NELL2: variants seen among roughly 807,000 people sequenced by gnomAD.
The protein encoded by NELL2 is neural EGFL like 2, also known as protein kinase C-binding protein NELL2.
NELL2 carries 41 observed loss-of-function variants against 109.6 expected under a neutral mutation model. That is an observed-to-expected ratio of 0.37 (90% CI 0.29 to 0.49). The LOEUF is 0.49. NELL2 is among the 20% of genes least tolerant of loss of function. NELL2 has a pLI of 0.98. For missense variants in NELL2, 900 were observed against 1,008.3 expected (o/e 0.89, Z 1.45); for synonymous variants, 355 against 344.7 (o/e 1.03, Z -0.33).
At position 44,623,090 on chromosome 12, in the gene NELL2, G is replaced by A. The variant is rs11182576; in HGVS notation, c.1445-12120C>T. On this transcript the variant is annotated intron_variant, in intron 13 of 19. Coordinates refer to ENST00000429094, the MANE Select transcript of NELL2 (RefSeq NM_001145108.2). ...GTGTGTTTATTGATGTTATAAATACGTGTTAAGGTCTCCTGTGCTTAAATT... is the reference window on the plus strand; with the variant it reads ...GTGTGTTTATTGATGTTATAAATACATGTTAAGGTCTCCTGTGCTTAAATT... 2.1e-3 allele frequency among the ~76,000 whole-genome samples: 314 copies of A among 152,106 alleles called. 4 individuals carry two copies. The East Asian group carries it at 0.026, about 13-fold the overall frequency.
At chr12:44,708,884 T>C (rs1201384277) in intron 11 of NELL2, among the ~76,000 whole-genome samples, 3 of 152,208 alleles carry the variant, frequency 2.0e-5, no homozygotes, top group Non-Finnish European at 4.4e-5. Context: ...TTAAGTATGC[T>C]ATGTAAACAC....
intron 15 of NELL2, among the ~76,000 whole-genome samples, chr12:44,604,045 C>A (rs6582508): frequency 5.3e-5 from 8 of 151,766 alleles, no homozygotes; most frequent in Non-Finnish European, 1.2e-4. Context: ...TTTAACTTTG[C>A]AGAGAAAAAC....
chr12:44,875,485 C>T (rs1056323652), intron 1 of NELL2, 132 bp from the exon 2 acceptor site: 5 of 1,613,952 alleles, frequency 3.1e-6, no homozygotes, highest in Non-Finnish European at 4.2e-6. Context: ...GCGACTGCCT[C>T]CTCCTCCGCC....
At chr12:44,509,588 T>C (rs546555071) in intron 19 of NELL2, among the ~76,000 whole-genome samples, 83 of 152,232 alleles carry the variant, frequency 5.5e-4, no homozygotes, top group African/African-American at 1.8e-3. Flanking sequence ...CTATCTACCA[T>C]GTGATACAAT....
At chr12:44,848,663 A>C (rs76447431) in intron 2 of NELL2, among the ~76,000 whole-genome samples, 3,146 of 152,220 alleles carry the variant, frequency 0.021, 115 homozygotes, top group East Asian at 0.18. Context: ...TCATCACTTT[A>C]TAAAAGAGAG....
rs1940826862 is a variant in NELL2, at chr12:44,508,446, C to G, written c.*488G>C. The G allele has an allele frequency of 6.5e-6, 1 of 152,728 alleles. No individual in the cohort carries two copies. The highest frequency in any genetic ancestry group is 2.4e-5 in the African/African-American group (1 of 41,444). 9.5% of individuals were successfully genotyped at this position (152,728 alleles called of 1,614,324 possible). ...TGCATTATTTTTATCATTACAATAA[C>G]TTGTTTCAGATTTCTTTTCAGAGTG... is the stretch of plus-strand genomic sequence containing the variant. On this transcript the variant is annotated 3_prime_UTR_variant, in exon 20 of 20. Transcript: ENST00000429094.
intron 3 of NELL2, 65 bp downstream of exon 3, chr12:44,815,921 C>A: frequency 6.6e-7 from 1 of 1,524,178 alleles, no homozygotes; most frequent in Non-Finnish European, 8.8e-7. Context: ...TTGTTTACTT[C>A]TCTTTAATAT....
chr12:44,734,163 C>T (rs1203501983), intron 9 of NELL2, among the ~76,000 whole-genome samples: 2 of 151,802 alleles, frequency 1.3e-5, no homozygotes, highest in African/African-American at 2.4e-5. Flanking sequence ...TATTTTGAGG[C>T]TATATTATTA....
At chr12:44,756,184 A>G (rs993116489) in intron 9 of NELL2, among the ~76,000 whole-genome samples, 1 of 152,126 alleles carries the variant, frequency 6.6e-6, no homozygotes, top group Non-Finnish European at 1.5e-5. Context: ...GTTTGTACAT[A>G]GAAGGTGTCT....
rs1275120121 is a variant in NELL2, at chr12:44,625,192, C to T, written c.1445-14222G>A. ...TTGCCTAAACTGTTTCCTTAGACTG[C>T]TGTGCATTCCTTTATCATGGTATTG... On this transcript the variant is annotated intron_variant, in intron 13 of 19. Coordinates refer to ENST00000429094, the MANE Select transcript of NELL2 (RefSeq NM_001145108.2). Among the ~76,000 whole-genome samples the T allele has an allele frequency of 3.3e-5, 5 of 151,804 alleles. No homozygotes were observed. In the South Asian group the frequency reaches 8.3e-4, roughly 25 times the overall value.
chr12:44,583,126 C>T (rs1319392986), intron 15 of NELL2, among the ~76,000 whole-genome samples: 1 of 152,112 alleles, frequency 6.6e-6, no homozygotes, highest in Non-Finnish European at 1.5e-5. Flanking sequence ...ACAAAACAGA[C>T]TAAAACATTC....
intron 13 of NELL2, among the ~76,000 whole-genome samples, chr12:44,639,385 G>C (rs995617688): frequency 2.0e-5 from 3 of 152,048 alleles, no homozygotes; most frequent in Admixed American, 6.6e-5. Flanking sequence ...TCATAACGAC[G>C]ACCATGACAC....
intron 15 of NELL2, among the ~76,000 whole-genome samples, chr12:44,544,406 C>A (rs988196264): frequency 1.3e-5 from 2 of 152,082 alleles, no homozygotes; most frequent in Non-Finnish European, 2.9e-5. Flanking sequence ...CCCTAACACA[C>A]CCTCGTAAGC....
intron 9 of NELL2, among the ~76,000 whole-genome samples, chr12:44,716,992 A>C (rs938874288): frequency 6.6e-6 from 1 of 152,074 alleles, no homozygotes; most frequent in East Asian, 1.9e-4. Context: ...GGAGGGAAAA[A>C]GCACAAAAAT....
intron 9 of NELL2, among the ~76,000 whole-genome samples, chr12:44,759,826 A>G (rs577146969): frequency 6.6e-6 from 1 of 152,200 alleles, no homozygotes; most frequent in South Asian, 2.1e-4. Flanking sequence ...TATTTCCCAC[A>G]CCATATGTAT....
chr12:44,672,526 A>G (rs1948175437), intron 12 of NELL2, among the ~76,000 whole-genome samples: 1 of 152,186 alleles, frequency 6.6e-6, no homozygotes, highest in Admixed American at 6.5e-5. Flanking sequence ...AAGACTGGGG[A>G]CTACTACCAT....
At chr12:44,849,156 A>C (rs1414186518) in intron 2 of NELL2, among the ~76,000 whole-genome samples, 1 of 152,196 alleles carries the variant, frequency 6.6e-6, no homozygotes. Flanking sequence ...CAAGACACAA[A>C]ATATTGAAAC....
chr12:44,568,001 T>C (rs139616311), intron 15 of NELL2, among the ~76,000 whole-genome samples: 1 of 152,184 alleles, frequency 6.6e-6, no homozygotes, highest in Non-Finnish European at 1.5e-5. Context: ...AAAATCACAC[T>C]AATCAAAAAA....
At chr12:44,528,954 G>A (rs1941924508) in intron 16 of NELL2, among the ~76,000 whole-genome samples, 1 of 152,174 alleles carries the variant, frequency 6.6e-6, no homozygotes, top group African/African-American at 2.4e-5. Context: ...GAAGGCAAAG[G>A]ATGCATATCA....
Sources: gnomAD v4.1 joint callset for allele counts (sites outside exome capture counted in the v4.1 genomes callset) on GRCh38, gnomAD v4.1.1 for gene constraint, MANE v1.5 for transcripts, NCBI Gene and HGNC (gene_info 2026-07-23, HGNC 2026-07-21) for gene names.